The following EYS variants were observed in gnomAD, a reference collection of about 807,000 sequenced individuals.
EYS encodes the protein protein eyes shut homolog.
A neutral mutation model predicts 282.1 loss-of-function variants in EYS; 250 were observed. The observed-to-expected ratio is 0.89, with a 90% CI of 0.80 to 0.98. EYS has a LOEUF of 0.98. EYS is among the 50% of genes least tolerant of loss of function. EYS has a pLI of 0.00. For missense variants in EYS, 4,016 were observed against 3,709.0 expected, an observed-to-expected ratio of 1.08 and a Z score of -2.15; for synonymous variants, 1,355 against 1,282.9, an observed-to-expected ratio of 1.06 and a Z score of -1.20.
intron 11 of EYS, among the ~76,000 whole-genome samples, chr6:65,306,857 A>G (rs1195435052): frequency 7.0e-6 from 1 of 143,284 alleles, no homozygotes; most frequent in Non-Finnish European, 1.5e-5. Context: ...AAAAAAAAAA[A>G]AAAAAGAAAG....
chr6:64,236,252 C>T (rs1055502586), intron 30 of EYS, among the ~76,000 whole-genome samples: 12 of 152,264 alleles, frequency 7.9e-5, no homozygotes, highest in Admixed American at 7.8e-4. Flanking sequence ...GGATTACGGG[C>T]GTGAGCAACC....
chr6:65,196,437 T>C (rs841531), intron 12 of EYS, among the ~76,000 whole-genome samples: 42,461 of 152,008 alleles, frequency 0.28, 6,552 homozygotes, highest in African/African-American at 0.41. Context: ...TGGGATTGTT[T>C]GATTCACTTA....
chr6:64,123,082 T>C (rs984987415), intron 31 of EYS, among the ~76,000 whole-genome samples: 2 of 152,166 alleles, frequency 1.3e-5, no homozygotes, highest in African/African-American at 4.8e-5. Context: ...CAGAACCTGG[T>C]AGCATATGCT....
intron 1 of EYS, among the ~76,000 whole-genome samples, chr6:65,694,789 T>C (rs993044827): frequency 1.4e-5 from 2 of 138,056 alleles, no homozygotes; most frequent in Non-Finnish European, 3.2e-5. Flanking sequence ...TTTATATTTG[T>C]CCATAGTTTG....
chr6:64,242,169 G>A (rs1340233485), intron 30 of EYS, among the ~76,000 whole-genome samples: 1 of 152,092 alleles, frequency 6.6e-6, no homozygotes, highest in Non-Finnish European at 1.5e-5. Context: ...TTCTGTAGAT[G>A]TCTATTAGGT....
intron 1 of EYS, among the ~76,000 whole-genome samples, chr6:65,679,596 A>G (rs1361912007): frequency 6.6e-6 from 1 of 151,958 alleles, no homozygotes; most frequent in Non-Finnish European, 1.5e-5. Flanking sequence ...ATACAAGATG[A>G]AAATGTTTTA....
At chr6:64,069,263 T>G (rs578115732) in intron 32 of EYS, among the ~76,000 whole-genome samples, 4 of 152,174 alleles carry the variant, frequency 2.6e-5, no homozygotes, top group Admixed American at 6.6e-5. Flanking sequence ...CAGGGATCAT[T>G]TTTTCATTTT....
At chr6:64,530,606 AG>A (rs1764296713) in intron 26 of EYS, among the ~76,000 whole-genome samples, 1 of 152,140 alleles carries the variant, frequency 6.6e-6, no homozygotes, top group Non-Finnish European at 1.5e-5. Flanking sequence ...TAAGTTAAAA[AG>A]CATCACTTGA....
At chr6:63,937,613 C>T (rs1765111223) in intron 35 of EYS, among the ~76,000 whole-genome samples, 1 of 151,640 alleles carries the variant, frequency 6.6e-6, no homozygotes, top group Non-Finnish European at 1.5e-5. Flanking sequence ...AATCTCCTGA[C>T]CTCGTGATCC....
chr6:64,342,188 T>C (rs116229967), intron 29 of EYS, among the ~76,000 whole-genome samples: 2,369 of 151,700 alleles, frequency 0.016, 20 homozygotes, highest in South Asian at 0.034. Flanking sequence ...GTGTCATTCA[T>C]TGGTGGTACA....
intron 13 of EYS, among the ~76,000 whole-genome samples, chr6:65,043,817 C>T (rs1773016022): frequency 1.3e-5 from 2 of 151,628 alleles, no homozygotes; most frequent in African/African-American, 4.8e-5. Context: ...CATCTCCTGA[C>T]TATTGTGAAT....
Position 65,036,581 on chromosome 6 carries a change from T to C in EYS, c.2137+21033A>G, listed in dbSNP as rs1772778349. ...CTATGCATCTAACAAATATCTAATATCCAGAATCTGTAAGGAACTTAAACA... is the reference window on the plus strand; with the variant it reads ...CTATGCATCTAACAAATATCTAATACCCAGAATCTGTAAGGAACTTAAACA... On this transcript the variant is annotated intron_variant, in intron 13 of 42. Coordinates refer to ENST00000503581, the MANE Select transcript of EYS (RefSeq NM_001142800.2). Among the ~76,000 whole-genome samples, 3 of 149,602 alleles carry C rather than the reference T, an allele frequency of 2.0e-5. 1 individual carries two copies. Among genetic ancestry groups the C allele is most frequent in the African/African-American group, 7.4e-5 (3 of 40,578 alleles).
intron 12 of EYS, among the ~76,000 whole-genome samples, chr6:65,168,639 A>T (rs1051446282): frequency 2.6e-5 from 4 of 151,268 alleles, no homozygotes; most frequent in Admixed American, 2.0e-4. Context: ...CTTGGGGGTT[A>T]GGATTTCAAC....
intron 28 of EYS, chr6:64,412,703 T>G (rs564671148): frequency 6.6e-6 from 1 of 152,176 alleles, no homozygotes; most frequent in Non-Finnish European, 1.5e-5. Context: ...ATGGCCACTA[T>G]ATCACAAATG....
At chr6:64,486,485 T>C (rs181963290) in intron 26 of EYS, among the ~76,000 whole-genome samples, 5 of 151,546 alleles carry the variant, frequency 3.3e-5, no homozygotes, top group African/African-American at 9.6e-5. Flanking sequence ...ATGGTGTATA[T>C]AACTCATTGT....
chr6:64,820,800 C>T (rs903519241), intron 21 of EYS, among the ~76,000 whole-genome samples: 9 of 152,086 alleles, frequency 5.9e-5, no homozygotes, highest in African/African-American at 2.2e-4. Context: ...TACTCCATCA[C>T]CCCTCTCTGG....
At chr6:64,871,524 T>G (rs1562235852) in intron 19 of EYS, among the ~76,000 whole-genome samples, 2 of 152,000 alleles carry the variant, frequency 1.3e-5, no homozygotes, top group East Asian at 3.9e-4. Context: ...TACAATACTT[T>G]TGGGATAAAA....
At chr6:64,017,564 T>TGCACACAATGCAC (rs1768955453) in intron 33 of EYS, among the ~76,000 whole-genome samples, 1 of 152,210 alleles carries the variant, frequency 6.6e-6, no homozygotes, top group African/African-American at 2.4e-5. Context: ...ACCTGATGCA[T>TGCACACAATGCAC]AATGCACACA....
At chr6:64,034,049 G>T (rs1438726927) in intron 33 of EYS, among the ~76,000 whole-genome samples, 1 of 152,190 alleles carries the variant, frequency 6.6e-6, no homozygotes, top group African/African-American at 2.4e-5. Context: ...AATGGATCTA[G>T]ATTCCTAATA....
Sources: gnomAD v4.1 joint callset for allele counts (sites outside exome capture counted in the v4.1 genomes callset) on GRCh38, gnomAD v4.1.1 for gene constraint, MANE v1.5 for transcripts, NCBI Gene and HGNC (gene_info 2026-07-23, HGNC 2026-07-21) for gene names.